CDH13: variants seen among roughly 807,000 people sequenced by gnomAD.
CDH13 encodes cadherin-13.
Under a neutral mutation model 63.8 loss-of-function variants are expected in CDH13, and 24 were observed. The ratio of observed to expected loss-of-function variants is 0.38; its 90% confidence interval spans 0.27 to 0.53. The LOEUF (loss-of-function observed/expected upper bound fraction) is 0.53. CDH13 is among the 20% of genes least tolerant of loss of function. The pLI, the probability that CDH13 is intolerant of heterozygous loss-of-function variation, is 0.85. For missense variants in CDH13, 1,049 were observed against 903.1 expected (o/e 1.16, Z -2.07); for synonymous variants, 503 against 355.3 (o/e 1.42, Z -4.67).
intron 6 of CDH13, among the ~76,000 whole-genome samples, chr16:83,364,295 C>T (rs549759529): frequency 3.3e-5 from 5 of 152,182 alleles, no homozygotes; most frequent in East Asian, 1.9e-4. Context: ...TTTGGGTTTC[C>T]AGGTAGTCTC....
intron 4 of CDH13, among the ~76,000 whole-genome samples, chr16:83,184,902 T>TGTGTGC (rs1213835775): frequency 6.7e-6 from 1 of 148,918 alleles, no homozygotes; most frequent in South Asian, 2.1e-4. Flanking sequence ...TGTGTGTGTG[T>TGTGTGC]GTGTGCGTGT....
chr16:83,029,142 A>C (rs558476275), intron 2 of CDH13, among the ~76,000 whole-genome samples: 7 of 152,334 alleles, frequency 4.6e-5, no homozygotes, highest in South Asian at 2.1e-4. Flanking sequence ...GAAAGTGCTC[A>C]ATCTGCATTA....
intron 7 of CDH13, among the ~76,000 whole-genome samples, chr16:83,502,101 A>G (rs2074296846): frequency 6.6e-6 from 1 of 152,220 alleles, no homozygotes; most frequent in Admixed American, 6.5e-5. Flanking sequence ...AGACAGAATA[A>G]TGGCTCCTCC....
intron 5 of CDH13, among the ~76,000 whole-genome samples, chr16:83,259,892 A>G (rs1437484754): frequency 6.6e-6 from 1 of 152,134 alleles, no homozygotes; most frequent in Non-Finnish European, 1.5e-5. Context: ...GCCTAAAATC[A>G]TGGGAGAAAT....
At chr16:83,066,913 T>C (rs978974840) in intron 3 of CDH13, among the ~76,000 whole-genome samples, 3 of 152,172 alleles carry the variant, frequency 2.0e-5, no homozygotes, top group African/African-American at 7.2e-5. Context: ...TAAGAAAGCC[T>C]AACTTTACCA....
chr16:82,856,385 A>AAAAAAAAAAG (rs1555530562), intron 1 of CDH13, among the ~76,000 whole-genome samples: 2 of 95,292 alleles, frequency 2.1e-5, no homozygotes, highest in East Asian at 5.1e-4. Flanking sequence ...AAAAAAAAAA[A>AAAAAAAAAAG]AAAAGAAAAG....
At chr16:82,692,089 A>G (rs1427901371) in intron 1 of CDH13, among the ~76,000 whole-genome samples, 1 of 152,230 alleles carries the variant, frequency 6.6e-6, no homozygotes, top group Non-Finnish European at 1.5e-5. Flanking sequence ...TGGCTTCATT[A>G]GAAAAGTACA....
At chr16:83,581,197 G>A (rs1385102313) in intron 7 of CDH13, among the ~76,000 whole-genome samples, 1 of 152,156 alleles carries the variant, frequency 6.6e-6, no homozygotes, top group Non-Finnish European at 1.5e-5. Flanking sequence ...GTGGGCATTT[G>A]GAAAGCAGGT....
intron 3 of CDH13, among the ~76,000 whole-genome samples, chr16:83,119,043 C>T (rs990556324): frequency 6.6e-6 from 1 of 152,206 alleles, no homozygotes; most frequent in Admixed American, 6.5e-5. Context: ...AATCGCCTAG[C>T]ACACACCAAA....
At chr16:82,943,644 A>G (rs1904372423) in intron 2 of CDH13, among the ~76,000 whole-genome samples, 1 of 152,224 alleles carries the variant, frequency 6.6e-6, no homozygotes, top group African/African-American at 2.4e-5. Flanking sequence ...AAGTCAATCA[A>G]ATATTTACTG....
chr16:82,714,112 T>G (rs2032173790), intron 1 of CDH13, among the ~76,000 whole-genome samples: 1 of 152,072 alleles, frequency 6.6e-6, no homozygotes, highest in African/African-American at 2.4e-5. Flanking sequence ...TGGGTGTTGT[T>G]TTAAGCCACT....
At chr16:83,565,704 A>T (rs1415781096) in intron 7 of CDH13, among the ~76,000 whole-genome samples, 1 of 151,200 alleles carries the variant, frequency 6.6e-6, no homozygotes, top group Non-Finnish European at 1.5e-5. Flanking sequence ...TAACTGATTT[A>T]TTCTTTTCAG....
chr16:82,927,479 A>G (rs2042340877), intron 2 of CDH13, among the ~76,000 whole-genome samples: 1 of 152,214 alleles, frequency 6.6e-6, no homozygotes, highest in Non-Finnish European at 1.5e-5. Context: ...TCACGTGAGT[A>G]GAGGCTGCGG....
intron 3 of CDH13, among the ~76,000 whole-genome samples, chr16:83,045,634 TAA>T (rs71382861): frequency 1.3e-3 from 136 of 107,900 alleles, no homozygotes; most frequent in Middle Eastern, 5.3e-3. Context: ...AAGATTCCTT[TAA>T]AAAAAAAAAA....
intron 1 of CDH13, chr16:82,646,148 C>CTTGTTT (rs1910065432): frequency 6.6e-6 from 1 of 152,222 alleles, no homozygotes; most frequent in Non-Finnish European, 1.5e-5. Context: ...CCATTTGGGC[C>CTTGTTT]TTGTTTGCAA....
intron 3 of CDH13, among the ~76,000 whole-genome samples, chr16:83,068,996 T>C (rs1382799234): frequency 2.0e-5 from 3 of 152,208 alleles, no homozygotes; most frequent in Admixed American, 2.0e-4. Flanking sequence ...CCATTTCCCA[T>C]GCCCCCAGTT....
chr16:83,450,485 T>C (rs1403659515), intron 6 of CDH13, among the ~76,000 whole-genome samples: 1 of 152,220 alleles, frequency 6.6e-6, no homozygotes, highest in Non-Finnish European at 1.5e-5. Flanking sequence ...ATTACCAGGA[T>C]TTTGTATGCT....
chr16:82,935,819 CGAG>C (rs1567675762), intron 2 of CDH13, among the ~76,000 whole-genome samples: 1 of 151,904 alleles, frequency 6.6e-6, no homozygotes, highest in Non-Finnish European at 1.5e-5. Flanking sequence ...TGGACACACA[CGAG>C]GAGTTTAGGA....
At chr16:83,502,116 C>T (rs573882945) in intron 7 of CDH13, among the ~76,000 whole-genome samples, 6 of 152,310 alleles carry the variant, frequency 3.9e-5, no homozygotes, top group Non-Finnish European at 8.8e-5. Context: ...TCCTCCCCTT[C>T]AAAGAAGTCC....
Sources: gnomAD v4.1 joint callset for allele counts (sites outside exome capture counted in the v4.1 genomes callset) on GRCh38, gnomAD v4.1.1 for gene constraint, MANE v1.5 for transcripts, NCBI Gene and HGNC (gene_info 2026-07-23, HGNC 2026-07-21) for gene names.